The following SPAG16 variants were observed in gnomAD, a reference collection of about 807,000 sequenced individuals.
The protein encoded by SPAG16 is sperm associated antigen 16.
A neutral mutation model predicts 80.4 loss-of-function variants in SPAG16; 86 were observed. The observed-to-expected ratio is 1.07, with a 90% CI of 0.90 to 1.28. The LOEUF (loss-of-function observed/expected upper bound fraction) is 1.28, where lower values mean the gene tolerates loss of function less well. Ranked by LOEUF, SPAG16 falls within the 50% of genes most tolerant of loss-of-function variation. SPAG16 has a pLI of 0.00. For synonymous variants in SPAG16, 294 were observed against 265.9 expected, an observed-to-expected ratio of 1.11 and a Z score of -1.03; for missense variants, 870 against 765.3, an observed-to-expected ratio of 1.14 and a Z score of -1.61.
At chr2:213,851,080 T>C (rs1159845108) in intron 10 of SPAG16, among the ~76,000 whole-genome samples, 1 of 152,202 alleles carries the variant, frequency 6.6e-6, no homozygotes. Context: ...ACTAAAATTT[T>C]AGTTCAGAAG....
chr2:214,319,105 C>T (rs1476413211), intron 15 of SPAG16, among the ~76,000 whole-genome samples: 2 of 151,890 alleles, frequency 1.3e-5, no homozygotes, highest in African/African-American at 4.8e-5. Context: ...CTTCTCCCCA[C>T]TTATGCTTCA....
In SPAG16 at chr2:213,340,247, C is replaced by A. The variant is rs1251773837; in HGVS notation, c.621C>A (p.Asn207Lys). 1.2e-6 allele frequency: 2 copies of A among 1,607,768 alleles called. No individual in the cohort carries two copies. Among genetic ancestry groups the A allele is most frequent in the Non-Finnish European group, 1.7e-6 (2 of 1,175,962 alleles). ...MHHKRIVQEK[N>K]KLINDLKGLK... ...ATAAGCGAATAGTCCAGGAAAAAAACAAATTAATTAATGACCTCAAAGGGT... is the reference window on the plus strand; with the variant it reads ...ATAAGCGAATAGTCCAGGAAAAAAAAAAATTAATTAATGACCTCAAAGGGT... The change falls in exon 6 of 16, where the codon AAC (asparagine) becomes AAA (lysine). Residue 207 changes from asparagine to lysine, a missense_variant. Coordinates refer to ENST00000331683, the MANE Select transcript of SPAG16 (RefSeq NM_024532.5).
rs778782095 is a variant in SPAG16 at position 213,310,074 on chromosome 2, C to T, written c.295C>T (p.Leu99Phe). ...DTEILERKTV[L>F]PSKHAVPEVI... The stretch of plus-strand genomic sequence containing the variant: ...TAAATTTCAGGAACGGAAAACAGTT[C>T]TTCCTTCAAAGCATGCAGTACCTGA... The change falls in exon 4 of 16, where the codon CTT becomes TTT. Residue 99 changes from leucine (L) to phenylalanine (F), a missense_variant. Transcript: ENST00000331683. 8 of 1,602,852 alleles carry T rather than the reference C, an allele frequency of 5.0e-6. No individual in the cohort carries two copies. The African/African-American group carries it at 1.1e-4, about 22-fold the overall frequency.
chr2:213,979,342 A>G (rs2045576471), intron 12 of SPAG16, among the ~76,000 whole-genome samples: 1 of 152,124 alleles, frequency 6.6e-6, no homozygotes, highest in South Asian at 2.1e-4. Context: ...CCAAGACATT[A>G]CCAAGACAAT....
At chr2:214,382,681 A>G (rs1480031131) in intron 15 of SPAG16, among the ~76,000 whole-genome samples, 1 of 152,174 alleles carries the variant, frequency 6.6e-6, no homozygotes, top group African/African-American at 2.4e-5. Flanking sequence ...AAGTTTCCAT[A>G]TTGAATCCTA....
intron 15 of SPAG16, among the ~76,000 whole-genome samples, chr2:214,187,454 A>C (rs2057516417): frequency 6.6e-6 from 1 of 152,160 alleles, no homozygotes; most frequent in African/African-American, 2.4e-5. Context: ...CTAAGTACTC[A>C]TTCATCTACC....
intron 9 of SPAG16, among the ~76,000 whole-genome samples, chr2:213,380,186 A>G (rs1264975112): frequency 6.6e-6 from 1 of 152,146 alleles, no homozygotes; most frequent in Non-Finnish European, 1.5e-5. Context: ...TTCCATGCAA[A>G]GTGCACAACC....
intron 15 of SPAG16, among the ~76,000 whole-genome samples, chr2:214,374,484 T>C (rs1363551578): frequency 6.6e-6 from 1 of 152,226 alleles, no homozygotes; most frequent in African/African-American, 2.4e-5. Flanking sequence ...ATTCATCCTT[T>C]ACCAGCTGAT....
rs903882122 is a variant in SPAG16, at chr2:213,431,639, C to A, written c.942+56520C>A. On this transcript the variant is annotated intron_variant, in intron 9 of 15. Coordinates refer to ENST00000331683, the MANE Select transcript of SPAG16 (RefSeq NM_024532.5). The stretch of plus-strand genomic sequence containing the variant: ...TTACTAGACCTAAAGAAAGAGATAG[C>A]AACACAATAAGTGCAGGATTTCAAC... Among the ~76,000 whole-genome samples, 4 of 151,970 alleles carry A rather than the reference C, an allele frequency of 2.6e-5. No homozygotes were observed. In the South Asian group the frequency reaches 8.3e-4, roughly 32 times the overall value.
intron 10 of SPAG16, among the ~76,000 whole-genome samples, chr2:213,736,987 T>A (rs754588759): frequency 4.6e-5 from 7 of 152,092 alleles, no homozygotes; most frequent in Non-Finnish European, 7.3e-5. Flanking sequence ...ATTACAGGCG[T>A]CAGCCACCAT....
chr2:213,514,202 G>C (rs1404760976), intron 10 of SPAG16, among the ~76,000 whole-genome samples: 1 of 152,086 alleles, frequency 6.6e-6, no homozygotes, highest in Non-Finnish European at 1.5e-5. Context: ...GAAGTCATGA[G>C]ATTATTTCTC....
intron 12 of SPAG16, among the ~76,000 whole-genome samples, chr2:213,974,089 GTT>G (rs1559645918): frequency 6.6e-6 from 1 of 152,084 alleles, no homozygotes; most frequent in African/African-American, 2.4e-5. Flanking sequence ...GGGAGAAAAA[GTT>G]TAGCTGGAAG....
intron 3 of SPAG16, among the ~76,000 whole-genome samples, chr2:213,308,171 A>G (rs1381593733): frequency 6.6e-6 from 1 of 152,160 alleles, no homozygotes; most frequent in Non-Finnish European, 1.5e-5. Context: ...ATTGAGCAAC[A>G]CTTCATTCCA....
chr2:213,335,801 G>A (rs2064328523), intron 5 of SPAG16, among the ~76,000 whole-genome samples: 1 of 152,054 alleles, frequency 6.6e-6, no homozygotes, highest in Admixed American at 6.6e-5. Context: ...TTATTTACGT[G>A]TAATGAAAAC....
At chr2:213,481,404 C>T (rs561996794) in intron 9 of SPAG16, among the ~76,000 whole-genome samples, 3 of 152,116 alleles carry the variant, frequency 2.0e-5, no homozygotes, top group Non-Finnish European at 2.9e-5. Flanking sequence ...TGTCATCTTT[C>T]AATTAATTGC....
intron 12 of SPAG16, among the ~76,000 whole-genome samples, chr2:213,997,508 A>G (rs1429611534): frequency 6.6e-6 from 1 of 152,228 alleles, no homozygotes; most frequent in African/African-American, 2.4e-5. Context: ...AGTCAACAGT[A>G]ATGTTGTGTA....
chr2:213,841,185 G>T (rs1172241554), intron 10 of SPAG16, among the ~76,000 whole-genome samples: 1 of 152,064 alleles, frequency 6.6e-6, no homozygotes, highest in African/African-American at 2.4e-5. Context: ...ATGTTCATTT[G>T]TATGTCACAA....
chr2:213,580,659 C>T (rs976369100), intron 10 of SPAG16, among the ~76,000 whole-genome samples: 1 of 152,050 alleles, frequency 6.6e-6, no homozygotes, highest in Non-Finnish European at 1.5e-5. Flanking sequence ...TTTCTCTACT[C>T]AGAAGAATAA....
At chr2:213,631,145 T>G (rs1255247619) in intron 10 of SPAG16, among the ~76,000 whole-genome samples, 1 of 152,122 alleles carries the variant, frequency 6.6e-6, no homozygotes, top group Non-Finnish European at 1.5e-5. Context: ...AATCAGAAAC[T>G]TATACTTGCT....
Sources: gnomAD v4.1 joint callset for allele counts (sites outside exome capture counted in the v4.1 genomes callset) on GRCh38, gnomAD v4.1.1 for gene constraint, MANE v1.5 for transcripts, NCBI Gene and HGNC (gene_info 2026-07-23, HGNC 2026-07-21) for gene names.